The following SLAMF9 variants were observed in gnomAD, a reference collection of about 807,000 sequenced individuals.
SLAMF9 encodes CD2 family member 10.
SLAMF9 carries 25 observed loss-of-function variants against 30.4 expected under a neutral mutation model. That is an observed-to-expected ratio of 0.82 (90% confidence interval 0.60 to 1.15). The LOEUF (loss-of-function observed/expected upper bound fraction) is 1.15. Among genes scored for constraint, SLAMF9 ranks in the 50% most tolerant of loss-of-function variants. The probability of loss-of-function intolerance (pLI) is 0.00; values close to 1 mark genes in which losing one functional copy is unlikely to be tolerated. For missense variants in SLAMF9, 344 were observed against 346.1 expected, an observed-to-expected ratio of 0.99 and a Z score of 0.05; for synonymous variants, 129 against 127.2, an observed-to-expected ratio of 1.01 and a Z score of -0.09.
chr1:159,978,789 C>T, the SLAMF9 span: 4 of 152,104 alleles, frequency 2.6e-5, no homozygotes, highest in Admixed American at 2.0e-4. Flanking sequence ...TTGTTCCAGC[C>T]CAACATCAGT....
chr1:159,977,488 T>C, the SLAMF9 span, among the ~76,000 whole-genome samples: 1 of 152,230 alleles, frequency 6.6e-6, no homozygotes, highest in Non-Finnish European at 1.5e-5. Context: ...TCCCCAGTTA[T>C]AGAAAAGATT....
At chr1:159,955,830 G>C (rs1199544674), upstream of SLAMF9, among the ~76,000 whole-genome samples, 1 of 152,220 alleles carries the variant, frequency 6.6e-6, no homozygotes, top group Admixed American at 6.5e-5. Context: ...AATCTGCTTA[G>C]TGAAGAAGAT....
chr1:159,970,786 G>A, the SLAMF9 span, among the ~76,000 whole-genome samples: 1 of 152,124 alleles, frequency 6.6e-6, no homozygotes, highest in Non-Finnish European at 1.5e-5. Flanking sequence ...GCAAGTTCAA[G>A]GAGTTCCAAA....
At chr1:159,973,647 C>T in the SLAMF9 span, among the ~76,000 whole-genome samples, 1 of 152,150 alleles carries the variant, frequency 6.6e-6, no homozygotes, top group Non-Finnish European at 1.5e-5. Context: ...GGTATTGAGA[C>T]AACATCTTGG....
chr1:159,982,292 C>A, the SLAMF9 span, among the ~76,000 whole-genome samples: 1 of 152,164 alleles, frequency 6.6e-6, no homozygotes, highest in Admixed American at 6.5e-5. Flanking sequence ...CCCATCTTGA[C>A]AGCCACATGG....
upstream of SLAMF9, among the ~76,000 whole-genome samples, chr1:159,956,991 G>T (rs376851421): frequency 1.3e-5 from 2 of 151,724 alleles, no homozygotes; most frequent in Non-Finnish European, 2.9e-5. Flanking sequence ...GCGTGGTGGC[G>T]GGTGCCTGTA....
At chr1:159,978,802 C>T in the SLAMF9 span, 1 of 152,194 alleles carries the variant, frequency 6.6e-6, no homozygotes, top group Non-Finnish European at 1.5e-5. Context: ...ACATCAGTGC[C>T]TCTGAGTTTG....
the SLAMF9 span, among the ~76,000 whole-genome samples, chr1:159,965,950 G>C: frequency 6.6e-6 from 1 of 152,026 alleles, no homozygotes; most frequent in Non-Finnish European, 1.5e-5. Context: ...TCACTTCCTT[G>C]ATATTTTTGT....
the SLAMF9 span, among the ~76,000 whole-genome samples, chr1:159,972,164 C>A: frequency 1.3e-4 from 20 of 152,280 alleles, no homozygotes; most frequent in African/African-American, 4.8e-4. Flanking sequence ...GACTCCAGCT[C>A]CTTCCACCTC....
At chr1:159,957,578 C>T (rs982571668), upstream of SLAMF9, among the ~76,000 whole-genome samples, 3 of 152,018 alleles carry the variant, frequency 2.0e-5, no homozygotes, top group East Asian at 1.9e-4. Context: ...CAGCCGAGAT[C>T]GTGCCACTGC....
chr1:159,955,483 G>A (rs571980342), upstream of SLAMF9, among the ~76,000 whole-genome samples: 33 of 152,322 alleles, frequency 2.2e-4, 1 homozygote, highest in African/African-American at 5.8e-4. Flanking sequence ...AGAGGAAGAC[G>A]TATTCAGCTT....
the SLAMF9 span, chr1:159,973,133 C>A: frequency 6.5e-7 from 1 of 1,537,920 alleles, no homozygotes; most frequent in South Asian, 1.1e-5. Context: ...CCCTGTCCTG[C>A]AAGGTGTGGC....
chr1:159,973,581 G>A, the SLAMF9 span, among the ~76,000 whole-genome samples: 2 of 152,168 alleles, frequency 1.3e-5, no homozygotes, highest in African/African-American at 2.4e-5. Flanking sequence ...CCCACTCCCA[G>A]GAATCTCCCC....
the SLAMF9 span, among the ~76,000 whole-genome samples, chr1:159,962,280 C>CA: frequency 6.6e-6 from 1 of 151,730 alleles, no homozygotes; most frequent in African/African-American, 2.4e-5. Context: ...GATGAGGCTA[C>CA]AAAGATGGAC....
the SLAMF9 span, among the ~76,000 whole-genome samples, chr1:159,969,047 AAAGAAG>A: frequency 8.5e-3 from 1,294 of 151,634 alleles, 12 homozygotes; most frequent in Middle Eastern, 0.021. Context: ...ATCTCAAAAA[AAAGAAG>A]AAGAAGAAGA....
the SLAMF9 span, chr1:159,976,890 GAGAA>G: frequency 9.0e-6 from 1 of 110,894 alleles, no homozygotes; most frequent in Non-Finnish European, 1.9e-5. Context: ...TAAAAAAAAA[GAGAA>G]AGAAAGAAGG....
chr1:159,977,737 C>G, the SLAMF9 span, among the ~76,000 whole-genome samples: 1 of 152,058 alleles, frequency 6.6e-6, no homozygotes, highest in Non-Finnish European at 1.5e-5. Flanking sequence ...GGCACAGAAG[C>G]CTGAGCTCAG....
chr1:159,956,218 C>T (rs960988006), upstream of SLAMF9, among the ~76,000 whole-genome samples: 12 of 152,182 alleles, frequency 7.9e-5, no homozygotes, highest in African/African-American at 2.9e-4. Flanking sequence ...ATGATCCTAG[C>T]GCTTTGGGAG....
At chr1:159,976,419 C>T in the SLAMF9 span, among the ~76,000 whole-genome samples, 3 of 152,086 alleles carry the variant, frequency 2.0e-5, no homozygotes, top group African/African-American at 7.2e-5. Context: ...AACATGCATA[C>T]ATATTCACAC....
Sources: gnomAD v4.1 joint callset for allele counts (sites outside exome capture counted in the v4.1 genomes callset) on GRCh38, gnomAD v4.1.1 for gene constraint, MANE v1.5 for transcripts, NCBI Gene and HGNC (gene_info 2026-07-23, HGNC 2026-07-21) for gene names.